PHACTR3: variants seen among roughly 807,000 people sequenced by gnomAD.
PHACTR3 encodes the protein protein phosphatase 1, regulatory subunit 123.
In PHACTR3, 16 loss-of-function variants were observed where a neutral mutation model predicts 66.8. That is an observed-to-expected ratio of 0.24 (90% CI 0.16 to 0.36). PHACTR3 has a LOEUF of 0.36. Among genes scored for constraint, PHACTR3 ranks in the 10% least tolerant of loss-of-function variants. The pLI, the probability that PHACTR3 is intolerant of heterozygous loss-of-function variation, is 1.00. For synonymous variants in PHACTR3, 323 were observed against 292.1 expected (o/e 1.11, Z -1.08); for missense variants, 647 against 719.9 (o/e 0.90, Z 1.16).
rs141943250 is a variant in PHACTR3 at position 59,589,958 on chromosome 20, G to A, written c.109+12341G>A. On this transcript the variant is annotated intron_variant, in intron 1 of 12. Transcript: ENST00000359926. ...TGAGTAGGGAGCTCAGACAGCCGCC[G>A]TCGTGGAGTCTAGGCTCTTCCCTCC... Among the ~76,000 whole-genome samples, 835 of 152,336 alleles carry A rather than the reference G, an allele frequency of 5.5e-3. 10 individuals carry two copies. Among genetic ancestry groups the A allele is most frequent in the African/African-American group, 0.019 (778 of 41,584 alleles).
intron 1 of PHACTR3, among the ~76,000 whole-genome samples, chr20:59,699,778 A>G (rs1359532008): frequency 6.6e-6 from 1 of 152,202 alleles, no homozygotes; most frequent in Non-Finnish European, 1.5e-5. Flanking sequence ...CCTGGCCAAC[A>G]TGGTGAAACC....
Position 59,773,364 on chromosome 20 carries a change from G to A in PHACTR3, c.837G>A (p.Pro279=), listed in dbSNP as rs146810775. The A allele has an allele frequency of 6.8e-6, 11 of 1,613,958 alleles. No homozygotes were observed. Among genetic ancestry groups the A allele is most frequent in the South Asian group, 2.2e-5 (2 of 91,078 alleles). The change falls in exon 6 of 13, where the codon CCG becomes CCA. Residue 279 remains proline, a synonymous_variant. Transcript: ENST00000371015. ...RGQLSTPTGS[P]HLTTVHRPLP... ...AGCTCTCCACACCCACGGGGTCTCC[G>A]CATCTCACCACGGTCCACCGGCCTC... is the stretch of plus-strand genomic sequence containing the variant.
intron 8 of PHACTR3, among the ~76,000 whole-genome samples, chr20:59,824,747 A>AGGG (rs1051331703): frequency 1.3e-5 from 2 of 152,188 alleles, no homozygotes; most frequent in Non-Finnish European, 2.9e-5. Context: ...ATTGACCACC[A>AGGG]GGGAATGCCC....
In PHACTR3 at chr20:59,803,267, A is replaced by G. The variant is rs145390083; in HGVS notation, c.1175-2774A>G. Among the ~76,000 whole-genome samples, 39 of 152,310 alleles carry G rather than the reference A, an allele frequency of 2.6e-4. No homozygotes were observed. The East Asian group carries it at 7.3e-3, about 29-fold the overall frequency. ...TTCCACCAATTTTTCTGGAATAAAC[A>G]TTCCTTGTTTTGCTGTAAACATGTG... On this transcript the variant is annotated intron_variant, in intron 7 of 12. Transcript: ENST00000371015.
intron 4 of PHACTR3, among the ~76,000 whole-genome samples, chr20:59,765,128 G>A (rs2040138728): frequency 6.6e-6 from 1 of 152,216 alleles, no homozygotes; most frequent in African/African-American, 2.4e-5. Context: ...TACCTAGAAA[G>A]CATAAAATAT....
chr20:59,715,614 A>G (rs1011551034), intron 1 of PHACTR3, among the ~76,000 whole-genome samples: 1 of 152,104 alleles, frequency 6.6e-6, no homozygotes, highest in African/African-American at 2.4e-5. Flanking sequence ...TGGCTTTGGT[A>G]TGAAGGTTAT....
At chr20:59,728,095 A>C (rs1172904426) in intron 1 of PHACTR3, among the ~76,000 whole-genome samples, 1 of 152,196 alleles carries the variant, frequency 6.6e-6, no homozygotes, top group East Asian at 1.9e-4. Flanking sequence ...TACATTCATG[A>C]TATTGGCATC....
At chr20:59,802,277 A>G (rs2041435564) in intron 7 of PHACTR3, among the ~76,000 whole-genome samples, 1 of 152,160 alleles carries the variant, frequency 6.6e-6, no homozygotes, top group Non-Finnish European at 1.5e-5. Context: ...GAGGTCATAT[A>G]GGAAGCAAAT....
Position 59,767,264 on chromosome 20 carries a change from C to G in PHACTR3, c.620C>G (p.Ala207Gly), listed in dbSNP as rs141180074. 1.5e-5 allele frequency: 25 copies of G among 1,614,134 alleles called. No individual in the cohort carries two copies. The highest frequency in any genetic ancestry group is 2.2e-5 in the South Asian group (2 of 91,090). The change falls in exon 5 of 13, where the codon GCC becomes GGC. Residue 207 changes from alanine (A) to glycine (G), a missense_variant. Ala to Gly is a moderately conservative substitution (Grantham distance 60). This residue lies in a region of PHACTR3 where 577 missense variants were observed against 571.1 expected (regional missense o/e 1.01). Coordinates refer to ENST00000371015, the MANE Select transcript of PHACTR3 (RefSeq NM_080672.5). ...LLPTTNELSQALAGADSLDSP... is the reference protein window; with the variant it reads ...LLPTTNELSQGLAGADSLDSP... ...CCCACCACCAATGAGCTCTCCCAAG[C>G]CTTAGCTGGGGCTGACTCCCTGGAC...
chr20:59,624,123 G>T (rs1399799983), intron 1 of PHACTR3, among the ~76,000 whole-genome samples: 1 of 152,142 alleles, frequency 6.6e-6, no homozygotes, highest in Admixed American at 6.5e-5. Context: ...CTAGAGGGTG[G>T]CTTTCTTCGA....
chr20:59,825,513 G>A (rs1256683018), intron 8 of PHACTR3, among the ~76,000 whole-genome samples: 2 of 152,156 alleles, frequency 1.3e-5, no homozygotes, highest in Non-Finnish European at 2.9e-5. Context: ...AGGGCCCTGA[G>A]TACACAGCAT....
At chr20:59,726,861 A>G (rs1321205659) in intron 1 of PHACTR3, among the ~76,000 whole-genome samples, 3 of 152,156 alleles carry the variant, frequency 2.0e-5, no homozygotes, top group African/African-American at 7.2e-5. Context: ...GATATTCTAG[A>G]AACTGGACTA....
chr20:59,832,042 ACT>A (rs893130286), intron 8 of PHACTR3, among the ~76,000 whole-genome samples: 3 of 148,376 alleles, frequency 2.0e-5, no homozygotes, highest in African/African-American at 5.2e-5. Flanking sequence ...CCTGGGCCTG[ACT>A]CTCTGTGCTG....
intron 11 of PHACTR3, among the ~76,000 whole-genome samples, chr20:59,842,892 G>T (rs79827380): frequency 0.02 from 3,012 of 152,072 alleles, 39 homozygotes; most frequent in Middle Eastern, 0.037. Flanking sequence ...GAGCAATCGA[G>T]CAACAGAAAG....
intron 1 of PHACTR3, among the ~76,000 whole-genome samples, chr20:59,585,540 C>T (rs1056171059): frequency 2.0e-5 from 3 of 152,210 alleles, no homozygotes; most frequent in Non-Finnish European, 2.9e-5. Flanking sequence ...GCACAGTAAT[C>T]ACCCTGTTCA....
intron 7 of PHACTR3, among the ~76,000 whole-genome samples, chr20:59,777,682 A>G (rs192715612): frequency 2.1e-4 from 32 of 152,216 alleles, no homozygotes; most frequent in African/African-American, 7.2e-4. Context: ...TTTGCTACCT[A>G]TCAATTACTT....
intron 1 of PHACTR3, among the ~76,000 whole-genome samples, chr20:59,694,544 C>T (rs150736402): frequency 4.2e-4 from 64 of 151,762 alleles, no homozygotes; most frequent in Non-Finnish European, 7.5e-4. Flanking sequence ...AAGAAAGACA[C>T]TGGAGGTAAA....
intron 8 of PHACTR3, among the ~76,000 whole-genome samples, chr20:59,810,149 T>C (rs1161350521): frequency 6.6e-6 from 1 of 152,184 alleles, no homozygotes; most frequent in African/African-American, 2.4e-5. Flanking sequence ...ACAAAAATTA[T>C]GGTGGGGCTT....
intron 12 of PHACTR3, among the ~76,000 whole-genome samples, chr20:59,846,900 G>C (rs544129397): frequency 1.3e-4 from 20 of 152,224 alleles, no homozygotes; most frequent in African/African-American, 4.3e-4. Context: ...GTTCTAGATA[G>C]TCCTAAGAAT....
Sources: gnomAD v4.1 joint callset for allele counts (sites outside exome capture counted in the v4.1 genomes callset) on GRCh38, gnomAD v4.1.1 for gene constraint, gnomAD v4.1.1 regional missense constraint, MANE v1.5 for transcripts, NCBI Gene and HGNC (gene_info 2026-07-23, HGNC 2026-07-21) for gene names.